MYT1L: variants seen among roughly 807,000 people sequenced by gnomAD.
The protein encoded by MYT1L is myelin transcription factor 1 like, also known as myelin transcription factor 1-like protein.
MYT1L carries 12 observed loss-of-function variants against 126.7 expected under a neutral mutation model. The observed-to-expected ratio is 0.09, with a 90% CI of 0.06 to 0.15. MYT1L has a LOEUF of 0.15. MYT1L is among the 10% of genes least tolerant of loss of function. The pLI, the probability that MYT1L is intolerant of heterozygous loss-of-function variation, is 1.00. For missense variants in MYT1L, 979 were observed against 1,585.2 expected, an observed-to-expected ratio of 0.62 and a Z score of 6.49; for synonymous variants, 541 against 604.2, an observed-to-expected ratio of 0.90 and a Z score of 1.53.
intron 5 of MYT1L, among the ~76,000 whole-genome samples, chr2:1,984,262 A>T (rs1198747364): frequency 1.3e-5 from 2 of 152,082 alleles, no homozygotes; most frequent in Non-Finnish European, 2.9e-5. Flanking sequence ...TCACTTTGTC[A>T]CCCAGGCTGG....
intron 4 of MYT1L, among the ~76,000 whole-genome samples, chr2:2,019,244 G>A (rs903209386): frequency 1.3e-5 from 2 of 152,070 alleles, no homozygotes; most frequent in East Asian, 3.9e-4. Flanking sequence ...GTGACAGTGA[G>A]TAAGTCTGAT....
intron 2 of MYT1L, among the ~76,000 whole-genome samples, chr2:2,197,385 C>A (rs2092845552): frequency 6.6e-6 from 1 of 151,992 alleles, no homozygotes; most frequent in African/African-American, 2.4e-5. Context: ...AAGGAAAAGG[C>A]CTTACCCAAG....
intron 18 of MYT1L, among the ~76,000 whole-genome samples, chr2:1,869,680 A>G (rs2046036667): frequency 1.3e-5 from 2 of 152,220 alleles, no homozygotes; most frequent in South Asian, 2.1e-4. Flanking sequence ...TTTGCCAGAC[A>G]CAGTATCAGG....
intron 23 of MYT1L, chr2:1,795,524 C>G (rs569032433): frequency 6.6e-6 from 1 of 152,668 alleles, no homozygotes; most frequent in East Asian, 1.9e-4. Context: ...CCCACAGCAG[C>G]CACAGTACAT....
At chr2:1,941,823 T>C (rs1451073032) in intron 9 of MYT1L, among the ~76,000 whole-genome samples, 2 of 152,212 alleles carry the variant, frequency 1.3e-5, no homozygotes, top group Admixed American at 6.5e-5. Context: ...ATTGTTTGCA[T>C]AGGAATCTTA....
intron 3 of MYT1L, among the ~76,000 whole-genome samples, chr2:2,167,624 C>A (rs1008843620): frequency 1.3e-5 from 2 of 152,242 alleles, no homozygotes; most frequent in Non-Finnish European, 2.9e-5. Flanking sequence ...TCCCAAACCT[C>A]TGGCCTTTCC....
intron 4 of MYT1L, among the ~76,000 whole-genome samples, chr2:2,041,253 T>C (rs2067494653): frequency 6.6e-6 from 1 of 152,168 alleles, no homozygotes; most frequent in Admixed American, 6.5e-5. Context: ...CTGATGAAGA[T>C]TGTGAAATCG....
chr2:2,136,695 A>G (rs1232115088), intron 3 of MYT1L, among the ~76,000 whole-genome samples: 6 of 151,826 alleles, frequency 4.0e-5, no homozygotes, highest in African/African-American at 1.5e-4. Context: ...CTTCAAAGAA[A>G]TCAGTAATCT....
intron 3 of MYT1L, among the ~76,000 whole-genome samples, chr2:2,075,184 C>CT (rs1212458414): frequency 4.6e-5 from 7 of 152,198 alleles, no homozygotes; most frequent in Non-Finnish European, 8.8e-5. Flanking sequence ...AGGCCATAGA[C>CT]TGTTTATCAG....
intron 3 of MYT1L, among the ~76,000 whole-genome samples, chr2:2,099,612 T>C (rs1308039145): frequency 2.0e-5 from 3 of 152,190 alleles, no homozygotes; most frequent in Admixed American, 2.0e-4. Flanking sequence ...AAGGTAGAGG[T>C]ACACACATTT....
At chr2:2,237,780 G>A (rs938802840) in intron 2 of MYT1L, among the ~76,000 whole-genome samples, 4 of 152,206 alleles carry the variant, frequency 2.6e-5, no homozygotes, top group Non-Finnish European at 5.9e-5. Flanking sequence ...CACGTGGGCT[G>A]CATGTCTGTG....
intron 3 of MYT1L, among the ~76,000 whole-genome samples, chr2:2,161,837 C>G (rs1306694247): frequency 6.6e-6 from 1 of 151,992 alleles, no homozygotes; most frequent in African/African-American, 2.4e-5. Flanking sequence ...ATATCCAGGC[C>G]CTATACTAGA....
chr2:2,266,481 A>G (rs2095133214), intron 2 of MYT1L, among the ~76,000 whole-genome samples: 1 of 150,822 alleles, frequency 6.6e-6, no homozygotes, highest in Non-Finnish European at 1.5e-5. Flanking sequence ...TAGTAAAAAT[A>G]TTGATGGGGG....
At chr2:2,163,144 C>T (rs910892499) in intron 3 of MYT1L, among the ~76,000 whole-genome samples, 1 of 152,150 alleles carries the variant, frequency 6.6e-6, no homozygotes, top group African/African-American at 2.4e-5. Context: ...GACCACCTGA[C>T]CCTAAATGAG....
At chr2:2,095,503 A>C (rs2077350151) in intron 3 of MYT1L, among the ~76,000 whole-genome samples, 2 of 152,138 alleles carry the variant, frequency 1.3e-5, no homozygotes, top group African/African-American at 2.4e-5. Flanking sequence ...GACACCCCAG[A>C]AGCAGTGTCA....
intron 3 of MYT1L, among the ~76,000 whole-genome samples, chr2:2,136,089 C>G (rs2083019745): frequency 1.3e-5 from 2 of 152,178 alleles, no homozygotes; most frequent in Admixed American, 1.3e-4. Flanking sequence ...ATGGATGAAG[C>G]TGGGAACCAT....
chr2:1,851,765 C>G, intron 18 of MYT1L, 62 bp from the exon 19 acceptor site: 1 of 1,508,266 alleles, frequency 6.6e-7, no homozygotes, highest in Non-Finnish European at 9.2e-7. Context: ...GAACAATTAA[C>G]TTTTTTTTAA....
At chr2:2,060,591 T>C (rs2070283054) in intron 3 of MYT1L, among the ~76,000 whole-genome samples, 1 of 152,174 alleles carries the variant, frequency 6.6e-6, no homozygotes, top group East Asian at 1.9e-4. Flanking sequence ...GTTTTGCATT[T>C]GAGGCTAAAG....
At chr2:1,796,838 C>T (rs921969651) in intron 23 of MYT1L, among the ~76,000 whole-genome samples, 1 of 152,186 alleles carries the variant, frequency 6.6e-6, no homozygotes, top group Admixed American at 6.5e-5. Context: ...GTCTCGAACT[C>T]CGGCTCTCAG....
Sources: allele counts gnomAD v4.1 joint callset (sites outside exome capture counted in the v4.1 genomes callset), GRCh38; gene constraint gnomAD v4.1.1; transcripts MANE v1.5; gene names NCBI Gene and HGNC (gene_info 2026-07-23, HGNC 2026-07-21).